The following GPC3 variants were observed in gnomAD, a reference collection of about 807,000 sequenced individuals.
The protein encoded by GPC3 is glypican-3.
Under a neutral mutation model 34.4 loss-of-function variants are expected in GPC3, and 3 were observed. That is an observed-to-expected ratio of 0.09 (90% CI 0.04 to 0.23). GPC3 has a LOEUF of 0.23. GPC3 is among the 10% of genes least tolerant of loss of function. The pLI is 1.00. For synonymous variants in GPC3, 177 were observed against 174.0 expected (o/e 1.02, Z -0.13); for missense variants, 351 against 445.6 (o/e 0.79, Z 1.91).
chrX:133,635,266 C>T (rs763723322), intron 6 of GPC3, among the ~76,000 whole-genome samples: 2 of 110,892 alleles, frequency 1.8e-5, no homozygotes, highest in South Asian at 3.8e-4. Context: ...TCCAACAACA[C>T]GAAAATGACA....
intron 2 of GPC3, among the ~76,000 whole-genome samples, chrX:133,879,894 C>G (rs1339220521): frequency 1.8e-5 from 2 of 111,084 alleles, no homozygotes; most frequent in Admixed American, 1.9e-4. Context: ...AAGGCTTTTT[C>G]TTTTTACATA....
chrX:133,814,881 TTATA>T (rs1273658204), intron 2 of GPC3, among the ~76,000 whole-genome samples: 1 of 111,475 alleles, frequency 9.0e-6, no homozygotes, highest in Non-Finnish European at 1.9e-5. Flanking sequence ...TCTTGTGGCA[TTATA>T]TATTGTAAAT....
Position 133,985,237 on chromosome X carries a change from C to G in GPC3, c.175+38G>C, listed in dbSNP as rs367938113. 6.7e-6 allele frequency: 8 copies of G among 1,199,195 alleles called. No individual in the cohort carries two copies. In the African/African-American group the frequency reaches 8.7e-5, roughly 13 times the overall value. Reference sequence around the variant, plus strand: ...CAGCCACCACGCGCGCCTTGCTCCCCGCTGGGCGCTAGGCACGCTCAAGGG... The same window carrying G: ...CAGCCACCACGCGCGCCTTGCTCCCGGCTGGGCGCTAGGCACGCTCAAGGG... On this transcript the variant is annotated intron_variant, in intron 1 of 7. Transcript: ENST00000370818.
chrX:133,679,958 C>T (rs973598916), intron 5 of GPC3, among the ~76,000 whole-genome samples: 2 of 111,610 alleles, frequency 1.8e-5, no homozygotes, highest in African/African-American at 6.5e-5. Flanking sequence ...GCCCGGCCCA[C>T]AGTACCAGTC....
At chrX:133,572,696 A>G (rs2069644572) in intron 7 of GPC3, among the ~76,000 whole-genome samples, 1 of 111,897 alleles carries the variant, frequency 8.9e-6, no homozygotes, top group African/African-American at 3.2e-5. Flanking sequence ...ATAACTGTAA[A>G]CCAAAAATTA....
chrX:133,619,127 T>C (rs926842105), intron 6 of GPC3, among the ~76,000 whole-genome samples: 1 of 112,174 alleles, frequency 8.9e-6, no homozygotes, highest in Admixed American at 9.5e-5. Context: ...AAAACCACAA[T>C]GAGATACTAT....
At chrX:133,985,159 C>T in intron 1 of GPC3, 116 bp downstream of exon 1, 1 of 818,513 alleles carries the variant, frequency 1.2e-6, no homozygotes, top group Admixed American at 2.6e-5. Context: ...CTCCCAAGTG[C>T]CCAGCTGCAG....
At chrX:133,796,039 G>A (rs961159001) in intron 2 of GPC3, among the ~76,000 whole-genome samples, 6 of 101,686 alleles carry the variant, frequency 5.9e-5, no homozygotes, top group African/African-American at 1.1e-4. Flanking sequence ...TCCGCCTCCC[G>A]GGTTCACGCC....
At chrX:133,655,478 ACACACACACACACACACACACACACACC>A (rs1480639968) in intron 6 of GPC3, among the ~76,000 whole-genome samples, 1 of 94,130 alleles carries the variant, frequency 1.1e-5, no homozygotes, top group African/African-American at 4.7e-5. Context: ...TCACACACCC[ACACACACACACACACACACACACACACC>A]CACACACACA....
chrX:133,814,832 C>T (rs186636078), intron 2 of GPC3, among the ~76,000 whole-genome samples: 2,191 of 111,175 alleles, frequency 0.02, 28 homozygotes, highest in Non-Finnish European at 0.026. Flanking sequence ...CCTCCCAAAG[C>T]GCTGGGATTA....
At chrX:133,773,722 G>A (rs1164554682) in intron 2 of GPC3, among the ~76,000 whole-genome samples, 1 of 111,587 alleles carries the variant, frequency 9.0e-6, no homozygotes, top group East Asian at 2.8e-4. Flanking sequence ...TCATCTTTGG[G>A]TTCTGTTTTG....
chrX:133,791,867 CTCTTTCTTTTCTT>C (rs1333070757), intron 2 of GPC3, among the ~76,000 whole-genome samples: 1 of 96,565 alleles, frequency 1.0e-5, no homozygotes, highest in Non-Finnish European at 2.0e-5. Context: ...CTCCCTCTCT[CTCTTTCTTTTCTT>C]TCTTTCTTTT....
intron 2 of GPC3, among the ~76,000 whole-genome samples, chrX:133,894,692 T>A (rs2076104134): frequency 9.0e-6 from 1 of 111,223 alleles, no homozygotes; most frequent in East Asian, 2.8e-4. Context: ...ATACAAAAAT[T>A]AGCCGGGCAT....
At chrX:133,630,284 C>T (rs2070351420) in intron 6 of GPC3, among the ~76,000 whole-genome samples, 2 of 111,515 alleles carry the variant, frequency 1.8e-5, no homozygotes, top group Admixed American at 1.9e-4. Context: ...GAAAAACAAT[C>T]AGGAATGTCA....
chrX:133,574,608 T>C (rs950864338), intron 7 of GPC3, among the ~76,000 whole-genome samples: 3 of 112,438 alleles, frequency 2.7e-5, no homozygotes, highest in Admixed American at 1.9e-4. Context: ...ATCTTCTTTA[T>C]GGAACATCTC....
intron 2 of GPC3, among the ~76,000 whole-genome samples, chrX:133,950,912 G>A (rs906955000): frequency 5.4e-5 from 6 of 110,736 alleles, no homozygotes; most frequent in Non-Finnish European, 1.1e-4. Flanking sequence ...AGAAGAGGGA[G>A]TGAAACAAGA....
At position 133,754,084 on chromosome X, in the gene GPC3, A is replaced by T. The variant is rs1404574866; in HGVS notation, c.430T>A (p.Phe144Ile). 1 of 1,206,435 alleles carries T rather than the reference A, an allele frequency of 8.3e-7. No homozygotes were observed. Among genetic ancestry groups the T allele is most frequent in the Non-Finnish European group, 1.1e-6 (1 of 891,668 alleles). The change falls in exon 3 of 8, where the codon TTT (phenylalanine) becomes ATT (isoleucine). Residue 144 changes from phenylalanine (F) to isoleucine (I), a missense_variant. Coordinates refer to ENST00000370818, the MANE Select transcript of GPC3 (RefSeq NM_004484.4). Reference protein sequence around the residue: ...YPSLTPQAFEFVGEFFTDVSL... With the variant: ...YPSLTPQAFEIVGEFFTDVSL... ...ACATCTGTGAAAAATTCACCCACAA[A>T]CTCAAAAGCTTGTGGAGTCAGGCTT...
At chrX:133,896,262 G>A (rs1270958414) in intron 2 of GPC3, among the ~76,000 whole-genome samples, 1 of 110,633 alleles carries the variant, frequency 9.0e-6, no homozygotes, top group African/African-American at 3.3e-5. Context: ...TTGGGAGGCT[G>A]AAGCAGGAGA....
chrX:133,908,903 C>G (rs1000563921), intron 2 of GPC3, among the ~76,000 whole-genome samples: 1 of 112,184 alleles, frequency 8.9e-6, no homozygotes, highest in Non-Finnish European at 1.9e-5. Context: ...TGTTAACTTT[C>G]GTCTTGTAAG....
Sources: allele counts gnomAD v4.1 joint callset (sites outside exome capture counted in the v4.1 genomes callset), GRCh38; gene constraint gnomAD v4.1.1; transcripts MANE v1.5; gene names NCBI Gene and HGNC (gene_info 2026-07-23, HGNC 2026-07-21).